UNC13A: variants seen among roughly 807,000 people sequenced by gnomAD.
UNC13A encodes the protein unc-13 homolog A, also known as protein unc-13 homolog A.
UNC13A carries 61 observed loss-of-function variants against 219.7 expected under a neutral mutation model. The observed-to-expected ratio is 0.28, with a 90% confidence interval of 0.23 to 0.34. UNC13A has a LOEUF of 0.34. Ranked by LOEUF, UNC13A falls within the 10% of genes least tolerant of loss-of-function variation. The pLI is 1.00. For missense variants in UNC13A, 1,476 were observed against 2,270.3 expected (o/e 0.65, Z 7.11); for synonymous variants, 920 against 884.6 (o/e 1.04, Z -0.71).
At chr19:17,673,570 G>C (rs1041102172) in intron 3 of UNC13A, among the ~76,000 whole-genome samples, 2 of 150,598 alleles carry the variant, frequency 1.3e-5, no homozygotes, top group African/African-American at 4.9e-5. Flanking sequence ...GCACGCACAT[G>C]TAGTCCCAGC....
rs1458432452 is a variant in UNC13A at position 17,601,447 on chromosome 19, T to C, written c.*4607A>G. 1 of 152,606 alleles carries C rather than the reference T, an allele frequency of 6.6e-6. No individual in the cohort carries two copies. The highest frequency in any genetic ancestry group is 1.9e-4 in the East Asian group (1 of 5,204). 9.5% of individuals were successfully genotyped at this position (152,606 alleles called of 1,614,324 possible). A position where few individuals can be genotyped will look rare whatever the true frequency, so the allele number is the denominator to read the frequency against. On this transcript the variant is annotated 3_prime_UTR_variant, in exon 44 of 44. Transcript: ENST00000519716. ...AACACCATGCATTCATGACCACTTC[T>C]CGTTTGTGTTAAACATTTGTTCCAA...
chr19:17,635,966 G>A, intron 26 of UNC13A, 58 bp downstream of exon 26: 1 of 1,551,146 alleles, frequency 6.4e-7, no homozygotes, highest in Admixed American at 1.8e-5. Context: ...AAGACACAAA[G>A]TTGTATACAT....
chr19:17,643,311 C>A (rs2145050045), intron 19 of UNC13A, among the ~76,000 whole-genome samples: 1 of 151,968 alleles, frequency 6.6e-6, no homozygotes, highest in South Asian at 2.1e-4. Flanking sequence ...CGCGCCCGGC[C>A]AGCCATGGGC....
At chr19:17,608,564 C>T (rs2076565191) in intron 43 of UNC13A, among the ~76,000 whole-genome samples, 1 of 148,930 alleles carries the variant, frequency 6.7e-6, no homozygotes, top group African/African-American at 2.5e-5. Context: ...GTTGCCCAGG[C>T]TGGAGTGCAG....
chr19:17,610,811 T>C (rs915970415), intron 42 of UNC13A, among the ~76,000 whole-genome samples: 2 of 152,142 alleles, frequency 1.3e-5, no homozygotes, highest in African/African-American at 4.8e-5. Context: ...GGAGGACTGC[T>C]TGAGGCCAGG....
At chr19:17,638,942 GA>G in intron 25 of UNC13A, 140 bp downstream of exon 25, 1 of 966,266 alleles carries the variant, frequency 1.0e-6, no homozygotes, top group Non-Finnish European at 1.4e-6. Context: ...CTAATCCTGA[GA>G]TGTGGGTTAA....
chr19:17,679,839 T>C (rs2079972572), intron 1 of UNC13A, among the ~76,000 whole-genome samples: 1 of 152,102 alleles, frequency 6.6e-6, no homozygotes, highest in Non-Finnish European at 1.5e-5. Context: ...CCGGCTCCTC[T>C]TCCCTAAGCC....
chr19:17,621,896 T>C (rs1461083533), intron 36 of UNC13A, 26 bp from the exon 37 acceptor site: 1 of 1,613,856 alleles, frequency 6.2e-7, no homozygotes. Context: ...CACAGGGTGA[T>C]CAACCTGGCA....
At chr19:17,613,024 G>A (rs2076620798) in intron 41 of UNC13A, among the ~76,000 whole-genome samples, 2 of 152,106 alleles carry the variant, frequency 1.3e-5, no homozygotes, top group South Asian at 4.1e-4. Context: ...TTGAGGTCAA[G>A]AGTTCAAGCC....
At chr19:17,680,719 A>T (rs991272382) in intron 1 of UNC13A, among the ~76,000 whole-genome samples, 5 of 151,520 alleles carry the variant, frequency 3.3e-5, no homozygotes, top group Admixed American at 1.3e-4. Flanking sequence ...CTGCAGAATG[A>T]TTATAGTGTC....
At chr19:17,607,463 G>A (rs940466223) in intron 43 of UNC13A, among the ~76,000 whole-genome samples, 4 of 132,066 alleles carry the variant, frequency 3.0e-5, no homozygotes. Context: ...GGGGTGGCGG[G>A]GGGGGGGGTC....
chr19:17,688,215 G>A lies in UNC13A; in HGVS notation c.-16C>T, dbSNP rs115022414. 2.3e-3 allele frequency: 3,380 copies of A among 1,500,490 alleles called. 60 individuals are homozygous for A. In the African/African-American group the frequency reaches 0.044, roughly 20 times the overall value. The allele number at this position is 1,500,490 out of a possible 1,614,324, so 92.9% of individuals were successfully genotyped here. On this transcript the variant is annotated 5_prime_UTR_variant, in exon 1 of 44. Coordinates refer to ENST00000519716, the MANE Select transcript of UNC13A (RefSeq NM_001080421.3). ...GCAGAGACATGTCTCCGAGCTCGCA[G>A]GTGGGCCGGAGGCGGCCGGGCCGGC... is the stretch of plus-strand genomic sequence containing the variant.
intron 37 of UNC13A, 145 bp from the exon 38 acceptor site, chr19:17,620,867 C>T (rs2076722459): frequency 1.1e-6 from 1 of 874,182 alleles, no homozygotes; most frequent in African/African-American, 1.7e-5. Context: ...TGGGCCCCCT[C>T]CCCAGCTAGC....
intron 1 of UNC13A, among the ~76,000 whole-genome samples, chr19:17,677,536 G>C (rs1257302527): frequency 6.6e-6 from 1 of 151,842 alleles, no homozygotes; most frequent in Admixed American, 6.6e-5. Context: ...GCTAATTTTT[G>C]TATTTTTTAG....
chr19:17,627,491 C>A lies in UNC13A; in HGVS notation c.3920+18G>T. The A allele has an allele frequency of 1.9e-6, 3 of 1,551,290 alleles. No homozygotes were observed. The highest frequency in any genetic ancestry group is 2.6e-6 in the Non-Finnish European group (3 of 1,145,802). ...GCTGTTCCCTCCCCACTGCCCCCAGCCCTGGAGATGCTCCCACCTGGTAGC... is the reference window on the plus strand; with the variant it reads ...GCTGTTCCCTCCCCACTGCCCCCAGACCTGGAGATGCTCCCACCTGGTAGC... On this transcript the variant is annotated intron_variant, in intron 33 of 43. Transcript: ENST00000519716. This position sits in a 1 kb window ranked among gnomAD's most constrained non-coding sequence, Gnocchi z 4.7.
intron 42 of UNC13A, 114 bp from the exon 43 acceptor site, chr19:17,610,213 C>T: frequency 7.0e-7 from 1 of 1,435,052 alleles, no homozygotes; most frequent in Non-Finnish European, 9.5e-7. Context: ...CGCTTGTAAT[C>T]CCACCACTTC....
intron 4 of UNC13A, 59 bp from the exon 5 acceptor site, chr19:17,669,735 G>A: frequency 2.0e-6 from 3 of 1,538,288 alleles, no homozygotes; most frequent in Non-Finnish European, 2.6e-6. Context: ...AGTCCCCAGG[G>A]CCCCTACTCT....
chr19:17,640,013 A>G, intron 22 of UNC13A, 105 bp from the exon 23 acceptor site: 3 of 1,128,878 alleles, frequency 2.7e-6, no homozygotes, highest in Non-Finnish European at 3.9e-6. Context: ...CCACCCTCAT[A>G]ATGTCCATTT....
rs2076523699 is a variant in UNC13A at position 17,606,088 on chromosome 19, G to C, written c.5078C>G (p.Ser1693Cys). Residue 1693 changes from serine (S) to cysteine (C), a missense_variant, in exon 44 of 44, where the codon TCC becomes TGC. By Grantham distance (112) the Ser-to-Cys change is moderately radical (BLOSUM62 -1). Transcript: ENST00000519716. ...EFVKLKSDTR[S>C]AEEGGAAPAP ...AGGCGCGGCACCGCCCTCCTCGGCG[G>C]AGCGCGTGTCCGACTTGAGCTTCAC... 1.3e-6 allele frequency: 2 copies of C among 1,589,748 alleles called. No individual in the cohort carries two copies. The highest frequency in any genetic ancestry group is 1.7e-6 in the Non-Finnish European group (2 of 1,171,050).
Sources: allele counts gnomAD v4.1 joint callset (sites outside exome capture counted in the v4.1 genomes callset), GRCh38; gene constraint gnomAD v4.1.1; non-coding constraint Gnocchi (gnomAD v3.1); transcripts MANE v1.5; gene names NCBI Gene and HGNC (gene_info 2026-07-23, HGNC 2026-07-21).